Variants in ADGRL3 observed in about 807,000 individuals in gnomAD.
ADGRL3 encodes the protein adhesion G protein-coupled receptor L3.
In ADGRL3, 62 loss-of-function variants were observed where a neutral mutation model predicts 153.5. The observed-to-expected ratio is 0.40, with a 90% CI of 0.33 to 0.50. The LOEUF (loss-of-function observed/expected upper bound fraction) is 0.50, where lower values mean the gene tolerates loss of function less well. ADGRL3 is among the 20% of genes least tolerant of loss of function. The pLI, the probability that ADGRL3 is intolerant of heterozygous loss-of-function variation, is 0.47. For synonymous variants in ADGRL3, 710 were observed against 672.5 expected (o/e 1.06, Z -0.86); for missense variants, 1,641 against 1,859.4 (o/e 0.88, Z 2.16).
At chr4:61,949,793 A>G (rs1204016567) in intron 17 of ADGRL3, among the ~76,000 whole-genome samples, 2 of 152,212 alleles carry the variant, frequency 1.3e-5, no homozygotes, top group Non-Finnish European at 2.9e-5. Flanking sequence ...AAGATTATTA[A>G]TCTTGTATAA....
chr4:61,212,399 C>G (rs1395044536), intron 1 of ADGRL3, among the ~76,000 whole-genome samples: 1 of 152,074 alleles, frequency 6.6e-6, no homozygotes, highest in Non-Finnish European at 1.5e-5. Context: ...AAAACTATAT[C>G]AAGTAAGATA....
rs559429369 is a variant in ADGRL3, at chr4:61,971,983, T to C, written c.2806-7580T>C. Reference sequence around the variant, plus strand: ...TTGAGAAGTATCTGTTCATATCCTTTGCCCACTTTTTGATGGGGTTGTTTG... The same window carrying C: ...TTGAGAAGTATCTGTTCATATCCTTCGCCCACTTTTTGATGGGGTTGTTTG... On this transcript the variant is annotated intron_variant, in intron 17 of 26. Coordinates refer to ENST00000683033, the MANE Select transcript of ADGRL3 (RefSeq NM_001387552.1). Among the ~76,000 whole-genome samples, 254 of 152,188 alleles carry C rather than the reference T, an allele frequency of 1.7e-3. 1 individual carries two copies. The highest frequency in any genetic ancestry group is 2.8e-3 in the Admixed American group (43 of 15,280).
intron 5 of ADGRL3, among the ~76,000 whole-genome samples, chr4:61,600,813 C>T (rs777696964): frequency 1.1e-4 from 16 of 152,052 alleles, no homozygotes; most frequent in Non-Finnish European, 1.5e-4. Flanking sequence ...ATGCCTTTAG[C>T]AATACATTAG....
chr4:62,042,274 A>C (rs1216047404), intron 24 of ADGRL3, among the ~76,000 whole-genome samples: 1 of 152,018 alleles, frequency 6.6e-6, no homozygotes, highest in Non-Finnish European at 1.5e-5. Context: ...ATATAAATGT[A>C]AGAAATAATT....
At chr4:61,491,679 C>T (rs904184671) in intron 2 of ADGRL3, among the ~76,000 whole-genome samples, 1 of 152,050 alleles carries the variant, frequency 6.6e-6, no homozygotes, top group African/African-American at 2.4e-5. Context: ...CTTGATATCC[C>T]AAAGTGTTGG....
At chr4:61,898,702 TC>T (rs2098646151) in intron 11 of ADGRL3, among the ~76,000 whole-genome samples, 1 of 151,370 alleles carries the variant, frequency 6.6e-6, no homozygotes, top group Non-Finnish European at 1.5e-5. Context: ...CACTGCAACC[TC>T]CAACTCCCAG....
At chr4:61,231,106 G>A (rs1383200910) in intron 1 of ADGRL3, among the ~76,000 whole-genome samples, 2 of 152,132 alleles carry the variant, frequency 1.3e-5, no homozygotes, top group Admixed American at 6.5e-5. Context: ...CAGTTTTTTG[G>A]GAGTGGATCA....
rs867851537 is a variant in ADGRL3 at position 62,070,328 on chromosome 4, G to T, written c.4052G>T (p.Arg1351Leu). ...YIPSYLNNHERSSEQNRNLMN... is the reference protein window; with the variant it reads ...YIPSYLNNHELSSEQNRNLMN... ...CCTTCTTACCTGAACAACCATGAGC[G>T]CTCCAGTGAACAGAACAGGAATCTG... Residue 1351 changes from arginine to leucine, a missense_variant, in exon 27 of 27, where the codon CGC becomes CTC. By Grantham distance (102) the Arg-to-Leu change is moderately radical. Coordinates refer to ENST00000683033, the MANE Select transcript of ADGRL3 (RefSeq NM_001387552.1). 5 of 1,553,506 alleles carry T rather than the reference G, an allele frequency of 3.2e-6. No homozygotes were observed. Among genetic ancestry groups the T allele is most frequent in the Non-Finnish European group, 4.4e-6 (5 of 1,147,818 alleles).
At chr4:61,496,714 G>A (rs2643042) in intron 2 of ADGRL3, among the ~76,000 whole-genome samples, 116,269 of 152,034 alleles carry the variant, frequency 0.76, 46,155 homozygotes, top group East Asian at 0.95. Flanking sequence ...GGCCCAGGAT[G>A]GCGGATCACG....
At position 61,469,401 on chromosome 4, in the gene ADGRL3, G is replaced by T. The variant is rs207464762; in HGVS notation, c.-173-27720G>T. ...AAGCACATAGTAAGTATTCAGTACC[G>T]GGAAGCCATTTCTGACTAAGTAAAG... On this transcript the variant is annotated intron_variant, in intron 2 of 26. Coordinates refer to ENST00000683033, the MANE Select transcript of ADGRL3 (RefSeq NM_001387552.1). 2.0e-5 allele frequency among the ~76,000 whole-genome samples: 3 copies of T among 152,094 alleles called. No homozygotes were observed. In the South Asian group the frequency reaches 6.2e-4, roughly 32 times the overall value.
chr4:61,290,069 C>G (rs1179566038), intron 1 of ADGRL3, among the ~76,000 whole-genome samples: 1 of 151,982 alleles, frequency 6.6e-6, no homozygotes, highest in African/African-American at 2.4e-5. Context: ...ACATACCTCC[C>G]CTATGAAGGA....
chr4:61,580,049 CAAAAGCTCTGCTG>C (rs981292399), intron 4 of ADGRL3, among the ~76,000 whole-genome samples: 17 of 151,994 alleles, frequency 1.1e-4, no homozygotes, highest in Admixed American at 6.6e-5. Context: ...AAAATTATGT[CAAAAGCTCTGCTG>C]AAACTTAAAA....
chr4:61,672,090 G>A (rs1321838437), intron 5 of ADGRL3, among the ~76,000 whole-genome samples: 1 of 151,968 alleles, frequency 6.6e-6, no homozygotes, highest in Non-Finnish European at 1.5e-5. Flanking sequence ...TTTGCTTTTT[G>A]ACCTGTGCTT....
intron 17 of ADGRL3, among the ~76,000 whole-genome samples, chr4:61,976,908 A>G (rs2099050110): frequency 6.6e-6 from 1 of 152,146 alleles, no homozygotes; most frequent in Admixed American, 6.6e-5. Context: ...GTAAAATTCA[A>G]GTATTGAGTT....
intron 8 of ADGRL3, among the ~76,000 whole-genome samples, chr4:61,757,912 T>G (rs2096857685): frequency 6.6e-6 from 1 of 152,224 alleles, no homozygotes; most frequent in Admixed American, 6.5e-5. Flanking sequence ...TTGCTCAGTT[T>G]CCATGTAGCT....
intron 9 of ADGRL3, among the ~76,000 whole-genome samples, chr4:61,875,030 G>A (rs1200274694): frequency 2.0e-5 from 3 of 150,970 alleles, no homozygotes; most frequent in Admixed American, 1.3e-4. Flanking sequence ...GGATGGTCTC[G>A]ATCTCCTGAC....
intron 8 of ADGRL3, among the ~76,000 whole-genome samples, chr4:61,767,032 T>C (rs1336577393): frequency 4.0e-4 from 61 of 151,966 alleles, no homozygotes; most frequent in African/African-American, 1.1e-3. Flanking sequence ...AAGTGTGCTG[T>C]GGGATGGGAT....
At chr4:61,317,307 A>G (rs1479923384) in intron 1 of ADGRL3, among the ~76,000 whole-genome samples, 3 of 152,300 alleles carry the variant, frequency 2.0e-5, no homozygotes, top group African/African-American at 7.2e-5. Context: ...AGAAGTAATT[A>G]TTTTAACTTT....
intron 2 of ADGRL3, among the ~76,000 whole-genome samples, chr4:61,437,765 T>C (rs1024597096): frequency 1.3e-5 from 2 of 152,200 alleles, no homozygotes; most frequent in African/African-American, 4.8e-5. Flanking sequence ...TCTCCTTCTC[T>C]ATCAGCTCCA....
Sources: gnomAD v4.1 joint callset for allele counts (sites outside exome capture counted in the v4.1 genomes callset) on GRCh38, gnomAD v4.1.1 for gene constraint, MANE v1.5 for transcripts, NCBI Gene and HGNC (gene_info 2026-07-23, HGNC 2026-07-21) for gene names.